CTNNA3: variants seen among roughly 807,000 people sequenced by gnomAD.
The protein encoded by CTNNA3 is catenin alpha 3.
Under a neutral mutation model 95.7 loss-of-function variants are expected in CTNNA3, and 76 were observed. That is an observed-to-expected ratio of 0.79 (90% CI 0.66 to 0.96). The LOEUF (loss-of-function observed/expected upper bound fraction) is 0.96, where lower values mean the gene tolerates loss of function less well. CTNNA3 is among the 40% of genes least tolerant of loss of function. The probability of loss-of-function intolerance (pLI) is 0.00; values close to 1 mark genes in which losing one functional copy is unlikely to be tolerated. For synonymous variants in CTNNA3, 431 were observed against 374.4 expected (o/e 1.15, Z -1.74); for missense variants, 1,191 against 1,089.8 (o/e 1.09, Z -1.31).
intron 11 of CTNNA3, among the ~76,000 whole-genome samples, chr10:66,403,777 T>C (rs1195338772): frequency 1.3e-5 from 2 of 152,204 alleles, no homozygotes; most frequent in African/African-American, 2.4e-5. Flanking sequence ...AAGAGAAATC[T>C]GACATACTTG....
rs79443712 is a variant in CTNNA3, at chr10:67,649,289, G to A, written c.-5-1771C>T. ...CATTTTCACCGTGAAATTCACGACT[G>A]GTTTCCAAAGCTACATGGCCACCAG... On this transcript the variant is annotated intron_variant, in intron 1 of 17. Transcript: ENST00000433211. 3.9e-4 allele frequency among the ~76,000 whole-genome samples: 60 copies of A among 152,266 alleles called. 1 individual carries two copies. In the East Asian group the frequency reaches 0.011, roughly 28 times the overall value.
intron 7 of CTNNA3, among the ~76,000 whole-genome samples, chr10:67,048,493 A>G (rs774986620): frequency 7.9e-5 from 12 of 152,126 alleles, no homozygotes; most frequent in Non-Finnish European, 1.5e-4. Flanking sequence ...AAATAGGAAT[A>G]CAGGAAATAT....
chr10:66,970,972 T>C (rs1443454776), intron 7 of CTNNA3, among the ~76,000 whole-genome samples: 1 of 152,190 alleles, frequency 6.6e-6, no homozygotes, highest in African/African-American at 2.4e-5. Flanking sequence ...AGGATTTCAG[T>C]TGTTTTCTTT....
intron 13 of CTNNA3, among the ~76,000 whole-genome samples, chr10:66,265,078 C>T (rs2091115772): frequency 6.6e-6 from 1 of 152,012 alleles, no homozygotes; most frequent in Admixed American, 6.6e-5. Flanking sequence ...TCACCACAAT[C>T]CAACCAGTTC....
chr10:66,159,575 T>A (rs2084733773), intron 13 of CTNNA3, among the ~76,000 whole-genome samples: 1 of 151,958 alleles, frequency 6.6e-6, no homozygotes, highest in African/African-American at 2.4e-5. Context: ...TTGTTAAGGA[T>A]TTTAGCATCT....
At position 66,664,663 on chromosome 10, in the gene CTNNA3, T is replaced by C. The variant is rs75105626; in HGVS notation, c.1282-42879A>G. On this transcript the variant is annotated intron_variant, in intron 9 of 17. Coordinates refer to ENST00000433211, the MANE Select transcript of CTNNA3 (RefSeq NM_013266.4). ...TAGGTATGTTCCGTCTCTCCTACTCTTCCTGGTAGGGAGCAGAACATAGCA... is the reference window on the plus strand; with the variant it reads ...TAGGTATGTTCCGTCTCTCCTACTCCTCCTGGTAGGGAGCAGAACATAGCA... 3.0e-3 allele frequency among the ~76,000 whole-genome samples: 449 copies of C among 152,046 alleles called. 4 individuals carry two copies. The highest frequency in any genetic ancestry group is 9.9e-3 in the African/African-American group (410 of 41,474).
intron 12 of CTNNA3, among the ~76,000 whole-genome samples, chr10:66,359,233 T>C (rs1165061718): frequency 6.6e-6 from 1 of 151,426 alleles, no homozygotes; most frequent in Non-Finnish European, 1.5e-5. Flanking sequence ...CAGGTAAATG[T>C]TGATAGATAG....
At chr10:66,449,098 T>C (rs539267642) in intron 11 of CTNNA3, among the ~76,000 whole-genome samples, 1 of 151,718 alleles carries the variant, frequency 6.6e-6, no homozygotes, top group South Asian at 2.1e-4. Flanking sequence ...AAAAAGCAAA[T>C]GTAAAAATCC....
chr10:66,341,272 C>T (rs377190683), intron 12 of CTNNA3, among the ~76,000 whole-genome samples: 22 of 151,984 alleles, frequency 1.4e-4, no homozygotes, highest in African/African-American at 1.4e-4. Context: ...AAACTGCACA[C>T]GTTCTGAAAG....
chr10:66,230,557 G>C (rs1166949300), intron 13 of CTNNA3, among the ~76,000 whole-genome samples: 1 of 152,108 alleles, frequency 6.6e-6, no homozygotes, highest in African/African-American at 2.4e-5. Flanking sequence ...ATGCCAGGTT[G>C]GTTGGTCCTT....
At chr10:67,559,500 C>T (rs894565609) in intron 3 of CTNNA3, among the ~76,000 whole-genome samples, 5 of 152,094 alleles carry the variant, frequency 3.3e-5, no homozygotes, top group South Asian at 2.1e-4. Context: ...ACATGACCAT[C>T]ATCAAAGACC....
chr10:66,401,385 G>T (rs113826611), intron 11 of CTNNA3, among the ~76,000 whole-genome samples: 5,414 of 151,968 alleles, frequency 0.036, 123 homozygotes, highest in Non-Finnish European at 0.05. Context: ...AATTAGCCAT[G>T]GATGGTGGTG....
At chr10:67,582,625 T>C (rs537078544) in intron 3 of CTNNA3, among the ~76,000 whole-genome samples, 175 of 151,264 alleles carry the variant, frequency 1.2e-3, no homozygotes, top group African/African-American at 3.9e-3. Context: ...GTTAACTTTC[T>C]GTCTCGTTGA....
At chr10:66,210,372 A>G (rs1319983436) in intron 13 of CTNNA3, among the ~76,000 whole-genome samples, 1 of 151,548 alleles carries the variant, frequency 6.6e-6, no homozygotes, top group African/African-American at 2.4e-5. Flanking sequence ...AAATAATTGC[A>G]CATCAATTGA....
chr10:66,240,396 C>T (rs950573804), intron 13 of CTNNA3, among the ~76,000 whole-genome samples: 3 of 151,904 alleles, frequency 2.0e-5, no homozygotes, highest in African/African-American at 7.2e-5. Context: ...TTGTATCATC[C>T]ACATGTTTTC....
intron 6 of CTNNA3, among the ~76,000 whole-genome samples, chr10:67,205,997 A>C (rs1863881397): frequency 6.6e-6 from 1 of 152,164 alleles, no homozygotes; most frequent in Non-Finnish European, 1.5e-5. Context: ...AAATATAATC[A>C]TCAAAGAACG....
intron 5 of CTNNA3, among the ~76,000 whole-genome samples, chr10:67,321,837 C>A (rs967264464): frequency 6.6e-6 from 1 of 152,164 alleles, no homozygotes; most frequent in Non-Finnish European, 1.5e-5. Context: ...CTACCACACA[C>A]CTTGGATCTG....
intron 5 of CTNNA3, among the ~76,000 whole-genome samples, chr10:67,285,375 C>T (rs1220346737): frequency 6.6e-6 from 1 of 152,166 alleles, no homozygotes; most frequent in East Asian, 1.9e-4. Context: ...TGCCCAAAGT[C>T]ACTTAGCTAG....
chr10:66,523,025 T>G (rs1841124070), intron 10 of CTNNA3, among the ~76,000 whole-genome samples: 1 of 152,174 alleles, frequency 6.6e-6, no homozygotes, highest in South Asian at 2.1e-4. Flanking sequence ...TTTTTTTGTT[T>G]CTTTTCTACA....
Sources: gnomAD v4.1 joint callset for allele counts (sites outside exome capture counted in the v4.1 genomes callset) on GRCh38, gnomAD v4.1.1 for gene constraint, MANE v1.5 for transcripts, NCBI Gene and HGNC (gene_info 2026-07-23, HGNC 2026-07-21) for gene names.